Variants in PTGES3 observed in about 807,000 individuals in gnomAD.
PTGES3 encodes the protein prostaglandin E synthase 3, also known as Hsp90 co-chaperone.
Under a neutral mutation model 29.9 loss-of-function variants are expected in PTGES3, and 5 were observed. The observed-to-expected ratio is 0.17, with a 90% CI of 0.09 to 0.35. The LOEUF (loss-of-function observed/expected upper bound fraction) is 0.35. PTGES3 is among the 10% of genes least tolerant of loss of function. The pLI is 1.00. For missense variants in PTGES3, 128 were observed against 190.0 expected, an observed-to-expected ratio of 0.67 and a Z score of 1.92; for synonymous variants, 49 against 57.8, an observed-to-expected ratio of 0.85 and a Z score of 0.69.
At chr12:56,671,092 A>C (rs1210351277) in intron 4 of PTGES3, among the ~76,000 whole-genome samples, 1 of 151,448 alleles carries the variant, frequency 6.6e-6, no homozygotes, top group African/African-American at 2.4e-5. Flanking sequence ...CATGAGTGGC[A>C]TGAGACTACC....
intron 1 of PTGES3, among the ~76,000 whole-genome samples, chr12:56,677,754 G>C (rs943366099): frequency 2.0e-5 from 3 of 152,096 alleles, no homozygotes; most frequent in African/African-American, 7.2e-5. Context: ...ACTTAATGGA[G>C]GGGTTTGCAG....
chr12:56,666,042 CA>C (rs1951772387), intron 6 of PTGES3, 161 bp downstream of exon 6: 3 of 1,379,276 alleles, frequency 2.2e-6, no homozygotes, highest in Non-Finnish European at 2.8e-6. Context: ...TAGATACCCC[CA>C]TTCGTCAAAA....
Position 56,688,189 on chromosome 12 carries a change from G to A in PTGES3, c.-190C>T, listed in dbSNP as rs913558443. The A allele has an allele frequency of 1.3e-4, 135 of 1,048,428 alleles. No homozygotes were observed. The highest frequency in any genetic ancestry group is 9.9e-4 in the Middle Eastern group (3 of 3,032). The allele number at this position is 1,048,428 out of a possible 1,614,324, so 64.9% of individuals were successfully genotyped here. On this transcript the variant is annotated 5_prime_UTR_variant, in exon 1 of 8. Transcript: ENST00000262033. ...GGCCCCAGAATGCACCGCGCGGAAA[G>A]AGCGGCTCCTCCGGTCGGGGAGAAG...
At chr12:56,665,808 GT>G in intron 6 of PTGES3, 2 of 719,614 alleles carry the variant, frequency 2.8e-6, no homozygotes, top group South Asian at 1.2e-4. Context: ...GTCTGGCTAA[GT>G]TTTTAAGACA....
At chr12:56,679,034 C>T (rs1952400067) in intron 1 of PTGES3, among the ~76,000 whole-genome samples, 1 of 152,072 alleles carries the variant, frequency 6.6e-6, no homozygotes. Context: ...GGGAGAATTG[C>T]TTGAGACAAG....
intron 1 of PTGES3, among the ~76,000 whole-genome samples, chr12:56,681,172 T>TA (rs1471462031): frequency 6.6e-6 from 1 of 152,126 alleles, no homozygotes; most frequent in African/African-American, 2.4e-5. Context: ...ACCCCAATCC[T>TA]ATTTCAGACA....
At chr12:56,673,119 C>G in intron 1 of PTGES3, 54 bp from the exon 2 acceptor site, 1 of 1,210,306 alleles carries the variant, frequency 8.3e-7, no homozygotes, top group Non-Finnish European at 1.2e-6. Context: ...ACTAAACATT[C>G]ACATACTAAC....
intron 1 of PTGES3, among the ~76,000 whole-genome samples, chr12:56,681,440 A>C (rs1354742582): frequency 6.9e-6 from 1 of 144,242 alleles, no homozygotes; most frequent in Non-Finnish European, 1.5e-5. Context: ...CGGGAGGCTG[A>C]GGCAGGAGAA....
chr12:56,683,977 A>C (rs569067521), intron 1 of PTGES3, among the ~76,000 whole-genome samples: 25 of 151,794 alleles, frequency 1.6e-4, no homozygotes, highest in African/African-American at 2.7e-4. Flanking sequence ...AAAAACAAAA[A>C]AAACAAACAA....
intron 1 of PTGES3, among the ~76,000 whole-genome samples, chr12:56,682,996 GAAA>G (rs530090070): frequency 7.2e-6 from 1 of 139,790 alleles, no homozygotes; most frequent in African/African-American, 2.6e-5. Flanking sequence ...TCCGCCTCAA[GAAA>G]AAAAAAAAAA....
intron 1 of PTGES3, chr12:56,687,586 G>A (rs1952938602): frequency 9.4e-7 from 1 of 1,061,358 alleles, no homozygotes; most frequent in Admixed American, 5.3e-5. Flanking sequence ...TCGACTCAGG[G>A]CCTGGCCCCG....
chr12:56,668,241 C>T (rs1239650666), intron 5 of PTGES3, among the ~76,000 whole-genome samples: 1 of 152,156 alleles, frequency 6.6e-6, no homozygotes, highest in Non-Finnish European at 1.5e-5. Flanking sequence ...AAATGAGTAA[C>T]TGGGAGTTTC....
intron 1 of PTGES3, among the ~76,000 whole-genome samples, chr12:56,683,358 A>C (rs1366153082): frequency 6.6e-6 from 1 of 151,100 alleles, no homozygotes; most frequent in African/African-American, 2.4e-5. Flanking sequence ...CTGTGATCGC[A>C]GCTACCCGGG....
At chr12:56,683,887 G>C (rs1378105878) in intron 1 of PTGES3, among the ~76,000 whole-genome samples, 1 of 145,140 alleles carries the variant, frequency 6.9e-6, no homozygotes, top group Non-Finnish European at 1.5e-5. Flanking sequence ...TGAACCCCAG[G>C]GGGCGGAGCC....
intron 1 of PTGES3, among the ~76,000 whole-genome samples, chr12:56,674,648 A>C (rs1375354391): frequency 6.6e-6 from 1 of 151,606 alleles, no homozygotes; most frequent in Non-Finnish European, 1.5e-5. Flanking sequence ...AACACGATGA[A>C]ACCCTGTCTC....
intron 1 of PTGES3, among the ~76,000 whole-genome samples, chr12:56,675,027 A>AAAAAT (rs71081385): frequency 2.1e-5 from 3 of 144,266 alleles, no homozygotes; most frequent in African/African-American, 7.7e-5. Flanking sequence ...AAAAAAAAAA[A>AAAAAT]GTGCTGGTTC....
intron 1 of PTGES3, among the ~76,000 whole-genome samples, chr12:56,673,508 A>G (rs1952089835): frequency 6.7e-6 from 1 of 148,224 alleles, no homozygotes; most frequent in African/African-American, 2.5e-5. Context: ...AAAAAAAAAA[A>G]AAAAGCAGGG....
intron 6 of PTGES3, chr12:56,665,036 G>C: frequency 1.0e-6 from 1 of 985,362 alleles, no homozygotes; most frequent in Non-Finnish European, 1.2e-6. Context: ...TGACAATTTA[G>C]CCCACCCGTT....
chr12:56,678,608 G>C (rs182440823), intron 1 of PTGES3, among the ~76,000 whole-genome samples: 1 of 152,140 alleles, frequency 6.6e-6, no homozygotes, highest in South Asian at 2.1e-4. Flanking sequence ...TTATAGTGAA[G>C]GGTGCTTGCA....
Sources: allele counts gnomAD v4.1 joint callset (sites outside exome capture counted in the v4.1 genomes callset), GRCh38; gene constraint gnomAD v4.1.1; transcripts MANE v1.5; gene names NCBI Gene and HGNC (gene_info 2026-07-23, HGNC 2026-07-21).